NCAM2: variants seen among roughly 807,000 people sequenced by gnomAD.
NCAM2 encodes the protein neural cell adhesion molecule 2, also known as N-CAM-2.
NCAM2 carries 30 observed loss-of-function variants against 98.1 expected under a neutral mutation model. The ratio of observed to expected loss-of-function variants is 0.31; its 90% CI spans 0.23 to 0.41. The LOEUF (loss-of-function observed/expected upper bound fraction) is 0.41. NCAM2 is among the 10% of genes least tolerant of loss of function. The pLI, the probability that NCAM2 is intolerant of heterozygous loss-of-function variation, is 1.00. For synonymous variants in NCAM2, 368 were observed against 342.4 expected (o/e 1.07, Z -0.83); for missense variants, 867 against 1,005.8 (o/e 0.86, Z 1.87).
chr21:21,442,376 G>T (rs1041474548), intron 12 of NCAM2, among the ~76,000 whole-genome samples: 2 of 152,120 alleles, frequency 1.3e-5, no homozygotes, highest in Non-Finnish European at 2.9e-5. Flanking sequence ...AGGACATAGG[G>T]TGGAAATAAA....
chr21:21,378,319 A>G (rs2076077391), intron 9 of NCAM2, among the ~76,000 whole-genome samples: 1 of 151,794 alleles, frequency 6.6e-6, no homozygotes, highest in Non-Finnish European at 1.5e-5. Flanking sequence ...GTTCCTTTTT[A>G]TCTACTTCCT....
At chr21:21,428,595 C>G (rs920837739) in intron 11 of NCAM2, among the ~76,000 whole-genome samples, 6 of 152,084 alleles carry the variant, frequency 3.9e-5, no homozygotes, top group African/African-American at 1.2e-4. Context: ...CAGGAAAAGT[C>G]AGATAGGGCC....
At chr21:21,040,464 A>G (rs745787729) in intron 1 of NCAM2, among the ~76,000 whole-genome samples, 1 of 152,136 alleles carries the variant, frequency 6.6e-6, no homozygotes, top group Admixed American at 6.5e-5. Context: ...ACAGTATTAA[A>G]CCAATGGAAA....
Position 21,543,113 on chromosome 21 carries a change from T to C in NCAM2, c.*5156T>C, listed in dbSNP as rs1200032586. ...CTTTAATTTATATATTCCATTCAAA[T>C]TCTATATTCTTAAGTTAGCTACCAC... On this transcript the variant is annotated 3_prime_UTR_variant, in exon 18 of 18. Coordinates refer to ENST00000400546, the MANE Select transcript of NCAM2 (RefSeq NM_004540.5). 6.6e-6 allele frequency: 1 copy of C among 151,908 alleles called. No individual in the cohort carries two copies. The highest frequency in any genetic ancestry group is 1.5e-5 in the Non-Finnish European group (1 of 67,860). The allele number at this position is 151,908 out of a possible 1,614,324, so 9.4% of individuals were successfully genotyped here.
chr21:21,393,350 C>T (rs1189948831), intron 9 of NCAM2, among the ~76,000 whole-genome samples: 1 of 151,842 alleles, frequency 6.6e-6, no homozygotes. Context: ...TTATTGTAGC[C>T]CTGTAGCTTT....
At chr21:21,512,067 T>C (rs1367579337) in intron 16 of NCAM2, among the ~76,000 whole-genome samples, 1 of 151,974 alleles carries the variant, frequency 6.6e-6, no homozygotes, top group East Asian at 1.9e-4. Context: ...CTTTGTTAAT[T>C]GTTTCCTTTA....
chr21:21,511,931 T>C (rs1009182280), intron 16 of NCAM2, among the ~76,000 whole-genome samples: 12 of 152,076 alleles, frequency 7.9e-5, no homozygotes, highest in African/African-American at 2.4e-4. Context: ...TTGCTCATTT[T>C]TAATTGGATT....
chr21:21,112,272 C>T (rs1284057611), intron 1 of NCAM2, among the ~76,000 whole-genome samples: 1 of 152,156 alleles, frequency 6.6e-6, no homozygotes, highest in African/African-American at 2.4e-5. Flanking sequence ...TTCTCTGAGA[C>T]ATATTTTGCT....
chr21:21,274,785 T>C (rs2072661347), intron 1 of NCAM2, among the ~76,000 whole-genome samples: 1 of 152,118 alleles, frequency 6.6e-6, no homozygotes, highest in Admixed American at 6.6e-5. Flanking sequence ...GATCAATCAG[T>C]GTCTTAAGTT....
chr21:21,486,414 A>T (rs1433069511), intron 15 of NCAM2, among the ~76,000 whole-genome samples: 1 of 151,910 alleles, frequency 6.6e-6, no homozygotes, highest in East Asian at 1.9e-4. Flanking sequence ...TTATAGGGCA[A>T]GTTTTGTTTT....
chr21:21,472,348 G>A (rs1048567024), intron 14 of NCAM2, among the ~76,000 whole-genome samples: 1 of 151,788 alleles, frequency 6.6e-6, no homozygotes, highest in Non-Finnish European at 1.5e-5. Context: ...GTTTGAAAAG[G>A]GCATTAAAAT....
intron 1 of NCAM2, among the ~76,000 whole-genome samples, chr21:21,265,283 A>C (rs1003139714): frequency 2.3e-5 from 3 of 130,260 alleles, no homozygotes; most frequent in African/African-American, 8.3e-5. Flanking sequence ...ATGTACACAT[A>C]TGTGTGTATA....
At chr21:21,046,299 G>A (rs915675912) in intron 1 of NCAM2, among the ~76,000 whole-genome samples, 24 of 152,186 alleles carry the variant, frequency 1.6e-4, no homozygotes, top group African/African-American at 5.8e-4. Flanking sequence ...CAAATGGCAG[G>A]GGATTAGCAT....
At chr21:21,409,353 G>A (rs1032173508) in intron 9 of NCAM2, among the ~76,000 whole-genome samples, 1 of 151,994 alleles carries the variant, frequency 6.6e-6, no homozygotes, top group South Asian at 2.1e-4. Flanking sequence ...AATTGATAGG[G>A]AATCGTAAGA....
intron 15 of NCAM2, among the ~76,000 whole-genome samples, chr21:21,489,954 A>AT (rs1986709679): frequency 6.6e-6 from 1 of 151,872 alleles, no homozygotes; most frequent in African/African-American, 2.4e-5. Context: ...CATAATCCCA[A>AT]TTTTTATCTA....
chr21:21,509,750 TTG>T (rs1468478103), intron 16 of NCAM2, among the ~76,000 whole-genome samples: 2 of 152,192 alleles, frequency 1.3e-5, no homozygotes, highest in African/African-American at 2.4e-5. Context: ...TTTTGTTTTA[TTG>T]TGTTTGTCTT....
chr21:21,513,477 T>A (rs540852871), intron 16 of NCAM2, among the ~76,000 whole-genome samples: 1 of 152,228 alleles, frequency 6.6e-6, no homozygotes, highest in South Asian at 2.1e-4. Context: ...ATATTTTTTT[T>A]AATTTCCATG....
At chr21:21,306,905 C>G (rs1257417693) in intron 5 of NCAM2, among the ~76,000 whole-genome samples, 2 of 151,106 alleles carry the variant, frequency 1.3e-5, no homozygotes, top group Admixed American at 1.3e-4. Flanking sequence ...AATTCAATTG[C>G]TTTGATGTTT....
In NCAM2 at chr21:21,538,089, T is replaced by C. The variant is rs1990081784; in HGVS notation, c.*132T>C. ...TTGGAATAGCTTGTACACATATACATATGATCAAATACTCCTGCCCATGAT... is the reference window on the plus strand; with the variant it reads ...TTGGAATAGCTTGTACACATATACACATGATCAAATACTCCTGCCCATGAT... On this transcript the variant is annotated 3_prime_UTR_variant, in exon 18 of 18. Transcript: ENST00000400546. The C allele has an allele frequency of 2.3e-6, 1 of 432,624 alleles. No individual in the cohort carries two copies. The highest frequency in any genetic ancestry group is 4.2e-6 in the Non-Finnish European group (1 of 238,154). The allele number at this position is 432,624 out of a possible 1,614,324, so 26.8% of individuals were successfully genotyped here. A position where few individuals can be genotyped will look rare whatever the true frequency, so the allele number is the denominator to read the frequency against.
Sources: allele counts gnomAD v4.1 joint callset (sites outside exome capture counted in the v4.1 genomes callset), GRCh38; gene constraint gnomAD v4.1.1; transcripts MANE v1.5; gene names NCBI Gene and HGNC (gene_info 2026-07-23, HGNC 2026-07-21).